TAPBPL: variants seen among roughly 807,000 people sequenced by gnomAD.
TAPBPL encodes TAP binding protein like.
TAPBPL carries 32 observed loss-of-function variants against 44.8 expected under a neutral mutation model. The observed-to-expected ratio is 0.71, with a 90% CI of 0.54 to 0.96. The LOEUF (loss-of-function observed/expected upper bound fraction) is 0.96, where lower values mean the gene tolerates loss of function less well. Among genes scored for constraint, TAPBPL ranks in the 40% least tolerant of loss-of-function variants. The probability of loss-of-function intolerance (pLI) is 0.00; values close to 1 mark genes in which losing one functional copy is unlikely to be tolerated. For missense variants in TAPBPL, 520 were observed against 586.6 expected (o/e 0.89, Z 1.17); for synonymous variants, 230 against 240.7 (o/e 0.96, Z 0.41).
chr12:6,463,865 C>A, downstream of TAPBPL: 1 of 1,263,826 alleles, frequency 7.9e-7, no homozygotes. This position sits in a 1 kb window ranked among gnomAD's most constrained non-coding sequence, Gnocchi z 4.0. Flanking sequence ...TCCCCAAAGA[C>A]ACGGAAAATC....
rs1949764757 is a variant in TAPBPL at position 6,458,650 on chromosome 12, C to CACATCT, written c.910_911insACATCT (p.Pro304delinsHisIleSer). On this transcript the variant is annotated protein_altering_variant, in exon 5 of 7. Coordinates refer to ENST00000266556, the MANE Select transcript of TAPBPL (RefSeq NM_018009.5). Reference sequence around the variant, plus strand: ...ATTCCTCATTCTTTCTCCAGCTTCCCCTAAAGTACGACTGAGCTTGGCAAA... The same window carrying CACATCT: ...ATTCCTCATTCTTTCTCCAGCTTCCCACATCTCTAAAGTACGACTGAGCTTGGCAAA... The CACATCT allele has an allele frequency of 6.2e-7, 1 of 1,612,770 alleles. No individual in the cohort carries two copies.
At chr12:6,470,511 C>T, downstream of TAPBPL, 3 of 1,613,980 alleles carry the variant, frequency 1.9e-6, no homozygotes, top group Non-Finnish European at 2.5e-6. Flanking sequence ...GCCGAGCCCC[C>T]ACACCAGAGT....
chr12:6,462,890 A>C, downstream of TAPBPL: 1 of 1,591,298 alleles, frequency 6.3e-7, no homozygotes, highest in Non-Finnish European at 8.6e-7. Flanking sequence ...AAAGGAAAGG[A>C]AGGATGGTTT....
downstream of TAPBPL, among the ~76,000 whole-genome samples, chr12:6,468,040 T>G (rs1028403296): frequency 6.6e-6 from 1 of 152,214 alleles, no homozygotes; most frequent in South Asian, 2.1e-4. Context: ...CCTCTGCTAG[T>G]GTAGTACAGA....
chr12:6,462,285 A>G lies in TAPBPL; in HGVS notation c.*136A>G, dbSNP rs1303977503. 10 of 645,792 alleles carry G rather than the reference A, an allele frequency of 1.5e-5. No individual in the cohort carries two copies. The highest frequency in any genetic ancestry group is 3.0e-5 in the Admixed American group (1 of 33,790). 40.0% of individuals were successfully genotyped at this position (645,792 alleles called of 1,614,324 possible). A position where few individuals can be genotyped will look rare whatever the true frequency, so the allele number is the denominator to read the frequency against. On this transcript the variant is annotated 3_prime_UTR_variant, in exon 7 of 7. Transcript: ENST00000266556. ...TTTGCCTTTGTTCAGAATACATGAC[A>G]TTGGTAAATATGCCACATGCCTTTG... is the stretch of plus-strand genomic sequence containing the variant.
At chr12:6,462,831 T>C, downstream of TAPBPL, 2 of 1,606,170 alleles carry the variant, frequency 1.2e-6, no homozygotes, top group Non-Finnish European at 1.7e-6. Flanking sequence ...CTTCCAGCTC[T>C]TCAGTCCCGC....
chr12:6,458,183 C>T (rs1949750546), intron 4 of TAPBPL, among the ~76,000 whole-genome samples: 1 of 152,164 alleles, frequency 6.6e-6, no homozygotes, highest in East Asian at 1.9e-4. Context: ...CAAGACCAGC[C>T]TGGCCAATAC....
chr12:6,459,069 C>T, intron 5 of TAPBPL, 122 bp downstream of exon 5: 3 of 1,127,106 alleles, frequency 2.7e-6, no homozygotes, highest in South Asian at 1.6e-5. Flanking sequence ...GCTTCATGCT[C>T]CTGCCTCTGC....
At chr12:6,460,985 A>C (rs1592140521) in intron 6 of TAPBPL, 47 bp downstream of exon 6, 1 of 1,611,620 alleles carries the variant, frequency 6.2e-7, no homozygotes, top group East Asian at 2.2e-5. Flanking sequence ...CACCTCACCC[A>C]CTCTAACCAC....
chr12:6,462,084 T>C lies in TAPBPL; in HGVS notation c.1342T>C (p.Cys448Arg), dbSNP rs139938131. ...GGCTGAACGCTGGGAGACCACTTCC[T>C]GTGCTGACACACAGAGCTCCCATCT... ...LQAERWETTS[C>R]ADTQSSHLHE... The change falls in exon 7 of 7, where the codon TGT becomes CGT. Residue 448 changes from cysteine (C) to arginine (R), a missense_variant. By Grantham distance (180) the Cys-to-Arg change is radical. Coordinates refer to ENST00000266556, the MANE Select transcript of TAPBPL (RefSeq NM_018009.5). 609 of 1,613,866 alleles carry C rather than the reference T, an allele frequency of 3.8e-4. 4 individuals carry two copies. The East Asian group carries it at 0.012, about 32-fold the overall frequency.
In TAPBPL at chr12:6,453,616, C is replaced by T. The variant is rs772292583; in HGVS notation, c.465C>T (p.Ile155=). The T allele has an allele frequency of 3.1e-6, 5 of 1,614,166 alleles. No individual in the cohort carries two copies. The highest frequency in any genetic ancestry group is 2.5e-6 in the Non-Finnish European group (3 of 1,180,022). Residue 155 remains isoleucine (I), a synonymous_variant, in exon 3 of 7, where the codon ATC becomes ATT. Transcript: ENST00000266556. This position sits in a 1 kb window ranked among gnomAD's most constrained non-coding sequence, Gnocchi z 4.8. ...NMQVSGGGPS[I]SLVMKTPRVT... is the part of the protein sequence containing the mutation. ...AGGTCTCTGGAGGGGGACCTAGCAT[C>T]TCCTTGGTGATGAAGACTCCCAGGG...
At chr12:6,466,249 C>T (rs147563872), downstream of TAPBPL, 32 of 1,614,064 alleles carry the variant, frequency 2.0e-5, no homozygotes, top group Non-Finnish European at 2.5e-5. Context: ...CCTGGGTTTG[C>T]TGTAGTCGTC....
chr12:6,455,763 CTTTTTTT>C (rs374886698), intron 3 of TAPBPL, among the ~76,000 whole-genome samples: 31,793 of 136,942 alleles, frequency 0.23, 4,206 homozygotes, highest in East Asian at 0.34. Flanking sequence ...GCGAGACCCT[CTTTTTTT>C]TTTTTTTTTT....
chr12:6,451,822 G>T, upstream of TAPBPL: 1 of 284,046 alleles, frequency 3.5e-6, no homozygotes, highest in South Asian at 4.0e-5. Flanking sequence ...AGCCGGTTAT[G>T]TTGGGGCCTG....
chr12:6,461,782 C>T (rs1287506249), intron 6 of TAPBPL, among the ~76,000 whole-genome samples: 3 of 152,166 alleles, frequency 2.0e-5, no homozygotes, highest in African/African-American at 7.2e-5. Flanking sequence ...CCTTTTTATT[C>T]GTTTCTAAAA....
chr12:6,465,402 ATG>A (rs1216241864), downstream of TAPBPL: 34 of 66,466 alleles, frequency 5.1e-4, 1 homozygote, highest in African/African-American at 1.5e-3. Context: ...ATATATATAA[ATG>A]TATATATATG....
downstream of TAPBPL, chr12:6,462,550 G>A (rs117836679): frequency 5.1e-3 from 2,820 of 551,480 alleles, 87 homozygotes; most frequent in Admixed American, 0.059. Context: ...ACAGAAGAGG[G>A]TACAGGGTGG....
At chr12:6,459,916 G>A (rs995762822) in intron 5 of TAPBPL, among the ~76,000 whole-genome samples, 17 of 151,844 alleles carry the variant, frequency 1.1e-4, no homozygotes, top group South Asian at 2.1e-4. Context: ...GATTACAGGC[G>A]CGCACCACCA....
chr12:6,461,916 C>G, intron 6 of TAPBPL, 118 bp from the exon 7 acceptor site: 3 of 755,940 alleles, frequency 4.0e-6, no homozygotes, highest in Non-Finnish European at 6.5e-6. Flanking sequence ...ACAGGACAAG[C>G]AGGCCAAGGA....
Sources: gnomAD v4.1 joint callset for allele counts (sites outside exome capture counted in the v4.1 genomes callset) on GRCh38, gnomAD v4.1.1 for gene constraint, Gnocchi (gnomAD v3.1) non-coding constraint, MANE v1.5 for transcripts, NCBI Gene and HGNC (gene_info 2026-07-23, HGNC 2026-07-21) for gene names.